CDK13: variants seen among roughly 807,000 people sequenced by gnomAD.
CDK13 encodes the protein cyclin-dependent kinase 13.
Under a neutral mutation model 137.6 loss-of-function variants are expected in CDK13, and 40 were observed. The observed-to-expected ratio is 0.29, with a 90% CI of 0.23 to 0.38. The LOEUF is 0.38. CDK13 is among the 10% of genes least tolerant of loss of function. CDK13 has a pLI of 1.00. For missense variants in CDK13, 1,704 were observed against 1,951.8 expected (o/e 0.87, Z 2.39); for synonymous variants, 869 against 760.1 (o/e 1.14, Z -2.36).
At chr7:39,992,183 T>TGTGTGTGC (rs1159278456) in intron 2 of CDK13, among the ~76,000 whole-genome samples, 1 of 151,638 alleles carries the variant, frequency 6.6e-6, no homozygotes, top group Non-Finnish European at 1.5e-5. Context: ...TGTGTGTGTG[T>TGTGTGTGC]GTGTGTGTGT....
At position 39,987,870 on chromosome 7, in the gene CDK13, C is replaced by A; in HGVS notation, c.1483C>A (p.Pro495Thr). 6.2e-7 allele frequency: 1 copy of A among 1,614,210 alleles called. No individual in the cohort carries two copies. The highest frequency in any genetic ancestry group is 2.2e-5 in the East Asian group (1 of 44,888). Reference sequence around the variant, plus strand: ...TGCAAAAGCTTCAAACACTTCTACACCTACCAAGGGGAACACGGAAACTAG... The same window carrying A: ...TGCAAAAGCTTCAAACACTTCTACAACTACCAAGGGGAACACGGAAACTAG... ...KAAKASNTST[P>T]TKGNTETSAS... The change falls in exon 2 of 14, where the codon CCT becomes ACT. Residue 495 changes from proline to threonine, a missense_variant. Coordinates refer to ENST00000181839, the MANE Select transcript of CDK13 (RefSeq NM_003718.5).
intron 9 of CDK13, chr7:40,071,293 A>C (rs1022558937): frequency 2.6e-5 from 4 of 152,226 alleles, no homozygotes; most frequent in Admixed American, 2.0e-4. Flanking sequence ...TTATGAATTC[A>C]TTTTAACATA....
chr7:39,994,921 A>G (rs903037582), intron 2 of CDK13, among the ~76,000 whole-genome samples: 5 of 151,792 alleles, frequency 3.3e-5, no homozygotes, highest in African/African-American at 7.2e-5. Context: ...AAAAAAAAAC[A>G]ACTCTTCCTT....
rs559364475 is a variant in CDK13, at chr7:39,973,467, CTTA to C, written c.1212-14127_1212-14125del. On this transcript the variant is annotated intron_variant, in intron 1 of 13. Transcript: ENST00000181839. ...GCCCATTTTTAAATTGGGCTGTCGT[CTTA>C]TTATAGGATCTTAAGAGTTTTTTAT... Among the ~76,000 whole-genome samples, 28 of 152,236 alleles carry C rather than the reference CTTA, an allele frequency of 1.8e-4. No homozygotes were observed. The East Asian group carries it at 5.0e-3, about 27-fold the overall frequency.
At position 39,976,827 on chromosome 7, in the gene CDK13, A is replaced by T. The variant is rs565079235; in HGVS notation, c.1212-10772A>T. 7.2e-5 allele frequency among the ~76,000 whole-genome samples: 11 copies of T among 152,224 alleles called. No homozygotes were observed. The South Asian group carries it at 2.3e-3, about 32-fold the overall frequency. On this transcript the variant is annotated intron_variant, in intron 1 of 13. Coordinates refer to ENST00000181839, the MANE Select transcript of CDK13 (RefSeq NM_003718.5). ...TTATACCGTACCTTGCATAAGAGAA[A>T]CCATGGAAAGTGAAATTGAGGACGA... is the stretch of plus-strand genomic sequence containing the variant.
intron 9 of CDK13, among the ~76,000 whole-genome samples, chr7:40,065,921 G>T (rs946429445): frequency 6.6e-6 from 1 of 152,100 alleles, no homozygotes; most frequent in African/African-American, 2.4e-5. Context: ...GAATGCGGTG[G>T]CTCATGCCTG....
At chr7:39,976,568 C>G (rs1312336626) in intron 1 of CDK13, among the ~76,000 whole-genome samples, 2 of 151,720 alleles carry the variant, frequency 1.3e-5, no homozygotes, top group East Asian at 3.9e-4. Context: ...CAGTCATGTC[C>G]CCAGTTTTCC....
At chr7:40,040,593 A>G (rs1263074554) in intron 5 of CDK13, among the ~76,000 whole-genome samples, 1 of 152,210 alleles carries the variant, frequency 6.6e-6, no homozygotes, top group African/African-American at 2.4e-5. Flanking sequence ...TAACATAGGG[A>G]TAATTAACAT....
intron 9 of CDK13, among the ~76,000 whole-genome samples, chr7:40,066,233 C>A (rs777026679): frequency 6.6e-6 from 1 of 152,128 alleles, no homozygotes; most frequent in Non-Finnish European, 1.5e-5. Flanking sequence ...CCATTATTTT[C>A]TTTGATAAAT....
At chr7:40,074,350 GTC>G (rs938199935) in intron 9 of CDK13, among the ~76,000 whole-genome samples, 5 of 151,958 alleles carry the variant, frequency 3.3e-5, no homozygotes, top group African/African-American at 1.2e-4. Context: ...GTGAAACCCT[GTC>G]TCTACTAAAA....
In CDK13 at chr7:39,950,265, T is replaced by G; in HGVS notation, c.-377T>G. On this transcript the variant is annotated 5_prime_UTR_variant, in exon 1 of 14. Transcript: ENST00000181839. ...CGGCGACGAAGGTGGTACTTCCGCG[T>G]TGCGCTGCCCGAGCCGAGAGCGCGG... 9.6e-7 allele frequency: 1 copy of G among 1,040,678 alleles called. No individual in the cohort carries two copies. Among genetic ancestry groups the G allele is most frequent in the Non-Finnish European group, 1.2e-6 (1 of 866,322 alleles). 64.5% of individuals were successfully genotyped at this position (1,040,678 alleles called of 1,614,324 possible). A position where few individuals can be genotyped will look rare whatever the true frequency, so the allele number is the denominator to read the frequency against.
chr7:40,055,815 C>G (rs1314184403), intron 7 of CDK13, among the ~76,000 whole-genome samples: 1 of 152,138 alleles, frequency 6.6e-6, no homozygotes, highest in Non-Finnish European at 1.5e-5. Context: ...CTCCTGGGCT[C>G]AAGCAATCCT....
Position 40,056,101 on chromosome 7 carries a change from C to T in CDK13, c.2601-6725C>T, listed in dbSNP as rs543281981. On this transcript the variant is annotated intron_variant, in intron 7 of 13. Transcript: ENST00000181839. ...TACTATATTACTGAATTGGGTGATA[C>T]CTGAAATTGTCCTTATTCTCTTCTG... Among the ~76,000 whole-genome samples the T allele has an allele frequency of 3.9e-5, 6 of 152,188 alleles. No homozygotes were observed. In the South Asian group the frequency reaches 1.2e-3, roughly 32 times the overall value.
At position 39,950,870 on chromosome 7, in the gene CDK13, T is replaced by G. The variant is rs902762110; in HGVS notation, c.229T>G (p.Ser77Ala). The change falls in exon 1 of 14, where the codon TCC becomes GCC. Residue 77 changes from serine to alanine, a missense_variant. This residue lies in a region of CDK13 where 1,051 missense variants were observed against 931.0 expected (regional missense o/e 1.13). Coordinates refer to ENST00000181839, the MANE Select transcript of CDK13 (RefSeq NM_003718.5). ...AAAAAAAAAA[S>A]SSCFSPGPPL... The stretch of plus-strand genomic sequence containing the variant: ...CGCCGCAGCCGCCGCCGCCGCGGCC[T>G]CCTCCTCTTGCTTCAGCCCGGGCCC... 91 of 1,367,938 alleles carry G rather than the reference T, an allele frequency of 6.7e-5. No homozygotes were observed. Among genetic ancestry groups the G allele is most frequent in the Middle Eastern group, 2.7e-4 (1 of 3,734 alleles). 84.7% of individuals were successfully genotyped at this position (1,367,938 alleles called of 1,614,324 possible).
intron 9 of CDK13, among the ~76,000 whole-genome samples, chr7:40,068,654 C>T (rs1326976368): frequency 7.9e-6 from 1 of 126,016 alleles, no homozygotes; most frequent in South Asian, 2.6e-4. Flanking sequence ...TGCAGTGAGT[C>T]GAGATTGTGC....
At chr7:39,961,766 C>A (rs1275198049) in intron 1 of CDK13, among the ~76,000 whole-genome samples, 12 of 152,052 alleles carry the variant, frequency 7.9e-5, no homozygotes, top group Admixed American at 7.9e-4. Context: ...AGGTATATCT[C>A]CTAATGCTAT....
chr7:39,978,415 A>T (rs771219344), intron 1 of CDK13, among the ~76,000 whole-genome samples: 5 of 152,152 alleles, frequency 3.3e-5, no homozygotes, highest in Admixed American at 3.3e-4. Context: ...GAATGGATGT[A>T]TGTATAAGCC....
Position 40,078,824 on chromosome 7 carries a change from T to G in CDK13, c.3002T>G (p.Val1001Gly), listed in dbSNP as rs771741895. 1 of 1,478,784 alleles carries G rather than the reference T, an allele frequency of 6.8e-7. No homozygotes were observed. 91.6% of individuals were successfully genotyped at this position (1,478,784 alleles called of 1,614,324 possible). ...CTTCAGTGCGAGTTCCTCCGAGATG[T>G]GGAACCCTCAAAAATGCCTCCACCA... ...QALQCEFLRD[V>G]EPSKMPPPDL... Residue 1001 changes from valine to glycine, a missense_variant, in exon 11 of 14, where the codon GTG becomes GGG. Val to Gly is a moderately radical substitution (Grantham distance 109). This residue lies in a region of CDK13 where 45 missense variants were observed against 57.0 expected (regional missense o/e 0.79). Coordinates refer to ENST00000181839, the MANE Select transcript of CDK13 (RefSeq NM_003718.5).
chr7:40,050,309 G>A (rs1300082214), intron 7 of CDK13, among the ~76,000 whole-genome samples: 1 of 152,156 alleles, frequency 6.6e-6, no homozygotes, highest in Non-Finnish European at 1.5e-5. Flanking sequence ...CTTGGTAGAA[G>A]TTGAAAGGAA....
Sources: gnomAD v4.1 joint callset for allele counts (sites outside exome capture counted in the v4.1 genomes callset) on GRCh38, gnomAD v4.1.1 for gene constraint, gnomAD v4.1.1 regional missense constraint, MANE v1.5 for transcripts, NCBI Gene and HGNC (gene_info 2026-07-23, HGNC 2026-07-21) for gene names.